Variants in SLC17A6 observed in about 807,000 individuals in gnomAD.
SLC17A6 encodes vesicular glutamate transporter 2.
SLC17A6 carries 35 observed loss-of-function variants against 67.1 expected under a neutral mutation model. The ratio of observed to expected loss-of-function variants is 0.52; its 90% CI spans 0.40 to 0.69. SLC17A6 has a LOEUF of 0.69. Among genes scored for constraint, SLC17A6 ranks in the 30% least tolerant of loss-of-function variants. SLC17A6 has a pLI of 0.00. For missense variants in SLC17A6, 588 were observed against 723.9 expected, an observed-to-expected ratio of 0.81 and a Z score of 2.15; for synonymous variants, 285 against 252.3, an observed-to-expected ratio of 1.13 and a Z score of -1.23.
Position 22,379,372 on chromosome 11 carries a change from C to T in SLC17A6, c.*1632C>T, listed in dbSNP as rs1464904560. On this transcript the variant is annotated 3_prime_UTR_variant, in exon 12 of 12. Transcript: ENST00000263160. The stretch of plus-strand genomic sequence containing the variant: ...CTTTACCTTAAGAAAAAAAAAATAC[C>T]CTTTGCTTTGTGCCTCAAAGTGATG... 6.6e-6 allele frequency: 1 copy of T among 152,122 alleles called. No individual in the cohort carries two copies. The highest frequency in any genetic ancestry group is 1.5e-5 in the Non-Finnish European group (1 of 67,918). 9.4% of individuals were successfully genotyped at this position (152,122 alleles called of 1,614,324 possible). A position where few individuals can be genotyped will look rare whatever the true frequency, so the allele number is the denominator to read the frequency against.
chr11:22,348,297 C>A (rs1314696577), intron 3 of SLC17A6, among the ~76,000 whole-genome samples: 1 of 152,180 alleles, frequency 6.6e-6, no homozygotes, highest in Non-Finnish European at 1.5e-5. Context: ...TATCATGCCC[C>A]AAATCCAGGG....
chr11:22,350,912 T>C (rs1014188035), intron 3 of SLC17A6, among the ~76,000 whole-genome samples: 1 of 152,168 alleles, frequency 6.6e-6, no homozygotes, highest in Non-Finnish European at 1.5e-5. Flanking sequence ...TGTAATTTGC[T>C]AGAGTATTTC....
chr11:22,343,494 T>C (rs2133858775), intron 3 of SLC17A6, 129 bp downstream of exon 3: 4 of 675,946 alleles, frequency 5.9e-6, no homozygotes, highest in South Asian at 2.0e-5. Context: ...TCTAGTCCCT[T>C]GACACACCCT....
intron 7 of SLC17A6, among the ~76,000 whole-genome samples, chr11:22,367,567 T>C (rs1030738107): frequency 1.3e-5 from 2 of 152,214 alleles, no homozygotes; most frequent in African/African-American, 4.8e-5. Context: ...GCTGCAGTTA[T>C]TTTGAGCAGA....
At chr11:22,352,058 G>T (rs117618147) in intron 3 of SLC17A6, among the ~76,000 whole-genome samples, 437 of 145,282 alleles carry the variant, frequency 3.0e-3, no homozygotes, top group Non-Finnish European at 4.6e-3. Context: ...GAATGGTGAG[G>T]TTCTTTAAGA....
chr11:22,351,338 A>T (rs920463099), intron 3 of SLC17A6, among the ~76,000 whole-genome samples: 3 of 152,092 alleles, frequency 2.0e-5, no homozygotes, highest in African/African-American at 4.8e-5. Context: ...CCCATCACCT[A>T]AATAGATAAT....
intron 8 of SLC17A6, 47 bp downstream of exon 8, chr11:22,370,235 T>G: frequency 8.7e-6 from 13 of 1,495,980 alleles, no homozygotes; most frequent in Non-Finnish European, 1.2e-5. Flanking sequence ...CCTGTGTATT[T>G]AAGTGAATAC....
intron 9 of SLC17A6, among the ~76,000 whole-genome samples, chr11:22,375,391 A>T (rs1281253602): frequency 6.6e-6 from 1 of 152,068 alleles, no homozygotes; most frequent in African/African-American, 2.4e-5. Flanking sequence ...AAAATAAAAA[A>T]AATAAATAAT....
In SLC17A6 at chr11:22,341,599, C is replaced by G; in HGVS notation, c.158C>G (p.Pro53Arg). Residue 53 changes from proline to arginine, a missense_variant, in exon 2 of 12, where the codon CCC becomes CGC. Physicochemically the swap from Pro to Arg is moderately radical, Grantham distance 103. Transcript: ENST00000263160. ...GAGGATGGGAAGCCCCTAGAGGTGC[C>G]CGAGAGGAAGGCGCCGCTGTGCGAC... ...LTEDGKPLEV[P>R]ERKAPLCDCT... The G allele has an allele frequency of 6.2e-7, 1 of 1,614,070 alleles. No homozygotes were observed. Among genetic ancestry groups the G allele is most frequent in the Non-Finnish European group, 8.5e-7 (1 of 1,180,024 alleles).
intron 3 of SLC17A6, among the ~76,000 whole-genome samples, chr11:22,357,058 A>C (rs912312699): frequency 7.2e-5 from 11 of 152,244 alleles, no homozygotes; most frequent in Non-Finnish European, 1.0e-4. Context: ...ATGCATAATC[A>C]GGTATAAATC....
At chr11:22,361,930 G>A (rs973359001) in intron 5 of SLC17A6, among the ~76,000 whole-genome samples, 1 of 152,048 alleles carries the variant, frequency 6.6e-6, no homozygotes, top group South Asian at 2.1e-4. Flanking sequence ...AAGCCATAAG[G>A]TTAACAGTAT....
At position 22,360,343 on chromosome 11, in the gene SLC17A6, G is replaced by C. The variant is rs1000705984; in HGVS notation, c.574-554G>C. 3.3e-5 allele frequency among the ~76,000 whole-genome samples: 5 copies of C among 152,046 alleles called. No homozygotes were observed. The South Asian group carries it at 1.0e-3, about 32-fold the overall frequency. On this transcript the variant is annotated intron_variant, in intron 4 of 11. Coordinates refer to ENST00000263160, the MANE Select transcript of SLC17A6 (RefSeq NM_020346.3). ...GCCTATTGGGGAAGGGCAGTGTAGG[G>C]AGAGCATTAGGGAAAAGAGCTAATG...
At chr11:22,348,159 T>A (rs1855899208) in intron 3 of SLC17A6, among the ~76,000 whole-genome samples, 1 of 152,214 alleles carries the variant, frequency 6.6e-6, no homozygotes, top group African/African-American at 2.4e-5. Context: ...ACTTGTCTGA[T>A]GATACATGAT....
chr11:22,355,993 CT>C (rs1164545007), intron 3 of SLC17A6, among the ~76,000 whole-genome samples: 3 of 152,182 alleles, frequency 2.0e-5, no homozygotes, highest in Non-Finnish European at 4.4e-5. Context: ...CCATCCTCTT[CT>C]TTTTCTAAGT....
rs530368400 is a variant in SLC17A6 at position 22,355,668 on chromosome 11, C to T, written c.459-3745C>T. On this transcript the variant is annotated intron_variant, in intron 3 of 11. Transcript: ENST00000263160. The stretch of plus-strand genomic sequence containing the variant: ...CCTCAAAGCCTCCTCATCCAGCATC[C>T]CACTCTAGATGTTCTTCCTTCTCCT... 1.2e-4 allele frequency among the ~76,000 whole-genome samples: 18 copies of T among 152,270 alleles called. No homozygotes were observed. The South Asian group carries it at 3.7e-3, about 32-fold the overall frequency.
intron 3 of SLC17A6, 27 bp downstream of exon 3, chr11:22,343,392 C>T (rs781056050): frequency 6.4e-7 from 1 of 1,572,436 alleles, no homozygotes; most frequent in Non-Finnish European, 8.7e-7. Flanking sequence ...GACTGGGGCT[C>T]GGGGCGTGGT....
chr11:22,348,787 A>G (rs1451934725), intron 3 of SLC17A6, among the ~76,000 whole-genome samples: 1 of 152,242 alleles, frequency 6.6e-6, no homozygotes, highest in Non-Finnish European at 1.5e-5. Context: ...TATAAAAATA[A>G]ATTTTAATAT....
At position 22,368,749 on chromosome 11, in the gene SLC17A6, G is replaced by A. The variant is rs2593686; in HGVS notation, c.892-1290G>A. ...TTTATTATCTTTGAAATAAGTGTAC[G>A]CATCTGGAATTATTTTCCCAGAACA... On this transcript the variant is annotated intron_variant, in intron 7 of 11. Transcript: ENST00000263160. Among the ~76,000 whole-genome samples, 186 of 151,806 alleles carry A rather than the reference G, an allele frequency of 1.2e-3. 2 individuals carry two copies. The highest frequency in any genetic ancestry group is 6.0e-3 in the South Asian group (29 of 4,818).
chr11:22,341,609 G>C lies in SLC17A6; in HGVS notation c.168G>C (p.Lys56Asn), dbSNP rs1665782419. The C allele has an allele frequency of 6.2e-7, 1 of 1,614,138 alleles. No individual in the cohort carries two copies. The highest frequency in any genetic ancestry group is 8.5e-7 in the Non-Finnish European group (1 of 1,180,046). Residue 56 changes from lysine (K) to asparagine (N), a missense_variant, in exon 2 of 12, where the codon AAG becomes AAC. By Grantham distance (94) the Lys-to-Asn change is moderately conservative. Transcript: ENST00000263160. ...AGCCCCTAGAGGTGCCCGAGAGGAA[G>C]GCGCCGCTGTGCGACTGCACGTGCT... ...DGKPLEVPER[K>N]APLCDCTCFG...
Sources: allele counts gnomAD v4.1 joint callset (sites outside exome capture counted in the v4.1 genomes callset), GRCh38; gene constraint gnomAD v4.1.1; transcripts MANE v1.5; gene names NCBI Gene and HGNC (gene_info 2026-07-23, HGNC 2026-07-21).